MACC1: variants seen among roughly 807,000 people sequenced by gnomAD.
MACC1 encodes MET transcriptional regulator MACC1, also known as metastasis-associated in colon cancer protein 1.
In MACC1, 79 loss-of-function variants were observed where a neutral mutation model predicts 70.7. The observed-to-expected ratio is 1.12, with a 90% confidence interval of 0.93 to 1.35. The LOEUF is 1.35. Among genes scored for constraint, MACC1 ranks in the 40% most tolerant of loss-of-function variants. MACC1 has a pLI of 0.00. For synonymous variants in MACC1, 361 were observed against 347.2 expected (o/e 1.04, Z -0.44); for missense variants, 1,106 against 978.1 (o/e 1.13, Z -1.74).
At position 20,187,142 on chromosome 7, in the gene MACC1, T is replaced by A. The variant is rs193196440; in HGVS notation, c.-217-16364A>T. ...ATTATTGCCAGTACCTGTAAACACA[T>A]GTAAATGGTAAGACCATACTAATTT... On this transcript the variant is annotated intron_variant, in intron 1 of 6. Coordinates refer to ENST00000400331, the MANE Select transcript of MACC1 (RefSeq NM_182762.4). Among the ~76,000 whole-genome samples, 536 of 152,336 alleles carry A rather than the reference T, an allele frequency of 3.5e-3. 15 individuals are homozygous for A. Among genetic ancestry groups the A allele is most frequent in the Admixed American group, 0.031 (480 of 15,288 alleles).
chr7:20,199,385 T>C (rs974022730), intron 1 of MACC1, among the ~76,000 whole-genome samples: 1 of 152,250 alleles, frequency 6.6e-6, no homozygotes, highest in Non-Finnish European at 1.5e-5. Flanking sequence ...AGCAATATTA[T>C]GTATATTACA....
Position 20,136,642 on chromosome 7 carries a change from C to T in MACC1, c.*4304G>A, listed in dbSNP as rs966927451. ...ATGCAAGAAACAAACCTTCGACATGCCATTTGATTCTGAAAAAATGTCTTT... is the reference window on the plus strand; with the variant it reads ...ATGCAAGAAACAAACCTTCGACATGTCATTTGATTCTGAAAAAATGTCTTT... On this transcript the variant is annotated 3_prime_UTR_variant, in exon 7 of 7. Transcript: ENST00000400331. 6.4e-4 allele frequency: 98 copies of T among 152,036 alleles called. No homozygotes were observed. Among genetic ancestry groups the T allele is most frequent in the African/African-American group, 2.3e-3 (94 of 41,476 alleles). 9.4% of individuals were successfully genotyped at this position (152,036 alleles called of 1,614,324 possible). A position where few individuals can be genotyped will look rare whatever the true frequency, so the allele number is the denominator to read the frequency against.
In MACC1 at chr7:20,140,918, C is replaced by T. The variant is rs1781790519; in HGVS notation, c.*28G>A. 2 of 1,554,586 alleles carry T rather than the reference C, an allele frequency of 1.3e-6. No individual in the cohort carries two copies. Among genetic ancestry groups the T allele is most frequent in the Non-Finnish European group, 8.8e-7 (1 of 1,134,646 alleles). ...ACACACACACCATTACCTCATTTTC[C>T]CTCCCATCAAAAACACACGCTTTGT... On this transcript the variant is annotated 3_prime_UTR_variant, in exon 7 of 7. Coordinates refer to ENST00000400331, the MANE Select transcript of MACC1 (RefSeq NM_182762.4).
At chr7:20,142,873 G>T (rs1353325397) in intron 6 of MACC1, among the ~76,000 whole-genome samples, 1 of 152,160 alleles carries the variant, frequency 6.6e-6, no homozygotes, top group Non-Finnish European at 1.5e-5. Context: ...TAAAATAATG[G>T]TGTTTATAGC....
In MACC1 at chr7:20,160,163, T is replaced by A; in HGVS notation, c.198A>T (p.Pro66=). Residue 66 remains proline, a synonymous_variant, in exon 5 of 7, where the codon CCA becomes CCT. Coordinates refer to ENST00000400331, the MANE Select transcript of MACC1 (RefSeq NM_182762.4). ...TAGAAGCAGACAGTTGATTCCAGAATGGATTTGCAACTTTGGAAGCATTAT... is the reference window on the plus strand; with the variant it reads ...TAGAAGCAGACAGTTGATTCCAGAAAGGATTTGCAACTTTGGAAGCATTAT... The part of the protein sequence containing the change: ...RGNNASKVAN[P]FWNQLSASNP... The A allele has an allele frequency of 2.5e-6, 4 of 1,611,904 alleles. No individual in the cohort carries two copies. The highest frequency in any genetic ancestry group is 3.4e-6 in the Non-Finnish European group (4 of 1,179,492).
At chr7:20,176,389 G>T (rs1219430451) in intron 1 of MACC1, among the ~76,000 whole-genome samples, 1 of 152,066 alleles carries the variant, frequency 6.6e-6, no homozygotes, top group African/African-American at 2.4e-5. Flanking sequence ...GATGATGGCA[G>T]TGCCAGATTC....
intron 1 of MACC1, among the ~76,000 whole-genome samples, chr7:20,173,947 T>C (rs1387795454): frequency 6.6e-6 from 1 of 152,162 alleles, no homozygotes; most frequent in African/African-American, 2.4e-5. Flanking sequence ...TTTGGGTATA[T>C]AGATTCAGAT....
intron 5 of MACC1, among the ~76,000 whole-genome samples, chr7:20,157,334 C>T (rs936766121): frequency 6.6e-6 from 1 of 151,934 alleles, no homozygotes. Flanking sequence ...TACACTGAGC[C>T]TTCCACTGGG....
chr7:20,210,735 A>G (rs919881829), intron 1 of MACC1, among the ~76,000 whole-genome samples: 2 of 152,198 alleles, frequency 1.3e-5, no homozygotes, highest in South Asian at 2.1e-4. Context: ...TCACTGCTAT[A>G]TCCCACAATG....
intron 6 of MACC1, among the ~76,000 whole-genome samples, chr7:20,151,057 A>C (rs1781969233): frequency 8.3e-6 from 1 of 120,706 alleles, no homozygotes; most frequent in Admixed American, 9.3e-5. Context: ...CAAAGGAGAA[A>C]AAAAAAAAAA....
chr7:20,156,721 T>C (rs896444591), intron 5 of MACC1, among the ~76,000 whole-genome samples: 5 of 152,212 alleles, frequency 3.3e-5, no homozygotes, highest in Non-Finnish European at 5.9e-5. Flanking sequence ...CTTCTCTAAG[T>C]ATCACTGTAG....
At chr7:20,202,223 C>T (rs928727070) in intron 1 of MACC1, among the ~76,000 whole-genome samples, 5 of 152,182 alleles carry the variant, frequency 3.3e-5, no homozygotes, top group Non-Finnish European at 5.9e-5. Context: ...TCTAAAACTT[C>T]TTCCATTTGT....
chr7:20,167,175 T>C (rs1469039100), intron 2 of MACC1, among the ~76,000 whole-genome samples: 2 of 152,004 alleles, frequency 1.3e-5, no homozygotes, highest in Non-Finnish European at 2.9e-5. Flanking sequence ...TCTACCATCA[T>C]CCTTATTTTT....
At chr7:20,196,144 C>T (rs1323750460) in intron 1 of MACC1, among the ~76,000 whole-genome samples, 1 of 151,786 alleles carries the variant, frequency 6.6e-6, no homozygotes, top group African/African-American at 2.4e-5. Context: ...GTTTCCAAGG[C>T]TTAGCTTTTA....
chr7:20,188,769 A>G (rs918079409), intron 1 of MACC1, among the ~76,000 whole-genome samples: 15 of 152,134 alleles, frequency 9.9e-5, no homozygotes, highest in Admixed American at 9.2e-4. Context: ...TCATTGCTCA[A>G]CATGCTTGAC....
At chr7:20,202,730 G>C (rs1782850822) in intron 1 of MACC1, among the ~76,000 whole-genome samples, 1 of 152,140 alleles carries the variant, frequency 6.6e-6, no homozygotes, top group African/African-American at 2.4e-5. Context: ...TGTGGCTGTT[G>C]AACACTTGAA....
intron 1 of MACC1, among the ~76,000 whole-genome samples, chr7:20,174,259 T>C (rs1348731780): frequency 6.6e-6 from 1 of 152,162 alleles, no homozygotes; most frequent in East Asian, 1.9e-4. Context: ...TCTGTAAGAA[T>C]CGTGTTGGGA....
At chr7:20,156,976 AT>A (rs897372032) in intron 5 of MACC1, among the ~76,000 whole-genome samples, 5 of 152,146 alleles carry the variant, frequency 3.3e-5, no homozygotes, top group Non-Finnish European at 7.4e-5. Flanking sequence ...TTATACAAAC[AT>A]TTTTATACAC....
Position 20,159,295 on chromosome 7 carries a change from G to A in MACC1, c.1066C>T (p.Pro356Ser). ...TCCCAAATGGTGGCAGCTGGTGACGGAAGAGCTTTAGCTTGTGCAGCAACC... is the reference window on the plus strand; with the variant it reads ...TCCCAAATGGTGGCAGCTGGTGACGAAAGAGCTTTAGCTTGTGCAGCAACC... ...LVVAAQAKAL[P>S]SPAATIWDYI... Residue 356 changes from proline (P) to serine (S), a missense_variant, in exon 5 of 7, where the codon CCG (proline) becomes TCG (serine). Transcript: ENST00000400331. The A allele has an allele frequency of 1.2e-6, 2 of 1,614,062 alleles. No homozygotes were observed. The highest frequency in any genetic ancestry group is 1.7e-6 in the Non-Finnish European group (2 of 1,179,998).
Sources: allele counts gnomAD v4.1 joint callset (sites outside exome capture counted in the v4.1 genomes callset), GRCh38; gene constraint gnomAD v4.1.1; transcripts MANE v1.5; gene names NCBI Gene and HGNC (gene_info 2026-07-23, HGNC 2026-07-21).